WWOX: variants seen among roughly 807,000 people sequenced by gnomAD.
The protein encoded by WWOX is WW domain containing oxidoreductase.
Under a neutral mutation model 46.2 loss-of-function variants are expected in WWOX, and 69 were observed. The ratio of observed to expected loss-of-function variants is 1.49; its 90% CI spans 1.23 to 1.82. The LOEUF is 1.82. Among genes scored for constraint, WWOX ranks in the 40% most tolerant of loss-of-function variants. The pLI, the probability that WWOX is intolerant of heterozygous loss-of-function variation, is 0.00. For synonymous variants in WWOX, 359 were observed against 202.6 expected (o/e 1.77, Z -6.56); for missense variants, 919 against 542.6 (o/e 1.69, Z -6.89).
At chr16:78,702,155 C>T (rs1279958747) in intron 8 of WWOX, among the ~76,000 whole-genome samples, 1 of 136,572 alleles carries the variant, frequency 7.3e-6, no homozygotes, top group East Asian at 2.0e-4. Flanking sequence ...TGGCATGCAA[C>T]TGCAGTGTCA....
At chr16:78,363,250 A>G (rs1477567185) in intron 5 of WWOX, among the ~76,000 whole-genome samples, 1 of 151,200 alleles carries the variant, frequency 6.6e-6, no homozygotes, top group African/African-American at 2.4e-5. Context: ...TGTTGCTTTT[A>G]GAGTATGTGC....
rs147277967 is a variant in WWOX, at chr16:79,129,982, T to C, written c.1057-81626T>C. Among the ~76,000 whole-genome samples the C allele has an allele frequency of 2.8e-3, 428 of 152,288 alleles. 3 individuals carry two copies. Among genetic ancestry groups the C allele is most frequent in the African/African-American group, 0.01 (418 of 41,554 alleles). Reference sequence around the variant, plus strand: ...AGTCTCCGTTTCCTCATCTGTAAAATAGAGGTAATAAAAACAGCTAATATT... The same window carrying C: ...AGTCTCCGTTTCCTCATCTGTAAAACAGAGGTAATAAAAACAGCTAATATT... On this transcript the variant is annotated intron_variant, in intron 8 of 8. Coordinates refer to ENST00000566780, the MANE Select transcript of WWOX (RefSeq NM_016373.4).
intron 5 of WWOX, among the ~76,000 whole-genome samples, chr16:78,378,482 T>A (rs2081881167): frequency 6.6e-6 from 1 of 152,128 alleles, no homozygotes; most frequent in Non-Finnish European, 1.5e-5. Flanking sequence ...ATTGCCACCG[T>A]TACCATTACT....
intron 8 of WWOX, among the ~76,000 whole-genome samples, chr16:79,087,802 A>G (rs2048880887): frequency 6.6e-6 from 1 of 152,148 alleles, no homozygotes; most frequent in Non-Finnish European, 1.5e-5. Context: ...CGAGGAAATC[A>G]CTGAAGCCAC....
At chr16:78,983,430 T>C (rs1490218055) in intron 8 of WWOX, among the ~76,000 whole-genome samples, 1 of 152,196 alleles carries the variant, frequency 6.6e-6, no homozygotes, top group Non-Finnish European at 1.5e-5. Context: ...CATGATGTAT[T>C]TATCCATAAA....
At chr16:78,104,743 T>C (rs56341410) in intron 1 of WWOX, among the ~76,000 whole-genome samples, 11,499 of 152,250 alleles carry the variant, frequency 0.076, 666 homozygotes, top group Non-Finnish European at 0.11. Flanking sequence ...AAGGTTATAA[T>C]TAAAAAGAAC....
At chr16:78,927,116 G>A (rs1005887213) in intron 8 of WWOX, among the ~76,000 whole-genome samples, 5 of 152,192 alleles carry the variant, frequency 3.3e-5, no homozygotes, top group South Asian at 4.1e-4. Flanking sequence ...TCTTGACTGC[G>A]AGAAAGTCAC....
chr16:78,754,735 A>G (rs2049593354), intron 8 of WWOX, among the ~76,000 whole-genome samples: 1 of 152,140 alleles, frequency 6.6e-6, no homozygotes, highest in Admixed American at 6.6e-5. Context: ...TAAGAAAAAA[A>G]GATTTCTTCT....
chr16:78,441,839 A>C (rs1032293248), intron 8 of WWOX, among the ~76,000 whole-genome samples: 1 of 152,100 alleles, frequency 6.6e-6, no homozygotes, highest in African/African-American at 2.4e-5. Flanking sequence ...ATTAAAGATT[A>C]TGAATGTTCA....
At chr16:78,230,954 G>T (rs992908855) in intron 5 of WWOX, among the ~76,000 whole-genome samples, 1 of 152,216 alleles carries the variant, frequency 6.6e-6, no homozygotes, top group Non-Finnish European at 1.5e-5. Context: ...TTGAGGCAAT[G>T]GATTTAACAG....
At chr16:78,234,963 C>G (rs2037388532) in intron 5 of WWOX, among the ~76,000 whole-genome samples, 1 of 151,850 alleles carries the variant, frequency 6.6e-6, no homozygotes, top group Non-Finnish European at 1.5e-5. Flanking sequence ...CTTCAAATTT[C>G]TTTCTGGGTG....
intron 8 of WWOX, among the ~76,000 whole-genome samples, chr16:78,639,569 A>T (rs1567455992): frequency 2.4e-5 from 2 of 83,704 alleles, no homozygotes; most frequent in Admixed American, 1.5e-4. Flanking sequence ...CACAGATTGG[A>T]TTTTTTTTTT....
chr16:78,961,661 G>T (rs1241860652), intron 8 of WWOX, among the ~76,000 whole-genome samples: 2 of 152,110 alleles, frequency 1.3e-5, no homozygotes, highest in Non-Finnish European at 2.9e-5. Flanking sequence ...AGCTTCACGT[G>T]CAAGAGAATC....
At chr16:79,173,435 G>A (rs1052228995) in intron 8 of WWOX, among the ~76,000 whole-genome samples, 1 of 152,194 alleles carries the variant, frequency 6.6e-6, no homozygotes, top group African/African-American at 2.4e-5. Flanking sequence ...ACCCAAGTGA[G>A]CAAACAGGCA....
At chr16:79,041,880 C>T (rs1175071413) in intron 8 of WWOX, among the ~76,000 whole-genome samples, 6 of 152,026 alleles carry the variant, frequency 3.9e-5, no homozygotes, top group Non-Finnish European at 2.9e-5. Context: ...CTTTCTCACA[C>T]GTGTTTAGAG....
intron 8 of WWOX, among the ~76,000 whole-genome samples, chr16:78,621,895 G>A (rs1018487740): frequency 5.3e-5 from 8 of 151,902 alleles, no homozygotes; most frequent in African/African-American, 9.7e-5. Flanking sequence ...GTGAGCCACC[G>A]TGCCCAGCCT....
intron 8 of WWOX, among the ~76,000 whole-genome samples, chr16:78,600,303 G>C (rs1177134291): frequency 6.6e-6 from 1 of 152,030 alleles, no homozygotes; most frequent in Non-Finnish European, 1.5e-5. Flanking sequence ...TCACCTGTAG[G>C]TTACCGTAAA....
chr16:78,299,817 C>T (rs750911067), intron 5 of WWOX, among the ~76,000 whole-genome samples: 1 of 152,126 alleles, frequency 6.6e-6, no homozygotes, highest in Non-Finnish European at 1.5e-5. Context: ...GTGTCAGTTA[C>T]CGCACTGGCC....
intron 8 of WWOX, among the ~76,000 whole-genome samples, chr16:79,071,609 C>G (rs1021670506): frequency 2.0e-5 from 3 of 152,252 alleles, no homozygotes; most frequent in Non-Finnish European, 4.4e-5. Flanking sequence ...TCCCATTACA[C>G]GCTCAGGCTT....
Sources: allele counts gnomAD v4.1 joint callset (sites outside exome capture counted in the v4.1 genomes callset), GRCh38; gene constraint gnomAD v4.1.1; transcripts MANE v1.5; gene names NCBI Gene and HGNC (gene_info 2026-07-23, HGNC 2026-07-21).